The following BANK1 variants were observed in gnomAD, a reference collection of about 807,000 sequenced individuals.
The protein encoded by BANK1 is B-cell scaffold protein with ankyrin repeats.
BANK1 carries 95 observed loss-of-function variants against 94.5 expected under a neutral mutation model. The ratio of observed to expected loss-of-function variants is 1.00; its 90% confidence interval spans 0.85 to 1.19. The LOEUF is 1.19. Among genes scored for constraint, BANK1 ranks in the 50% most tolerant of loss-of-function variants. The pLI is 0.00. For synonymous variants in BANK1, 334 were observed against 308.4 expected (o/e 1.08, Z -0.87); for missense variants, 987 against 932.2 (o/e 1.06, Z -0.77).
At chr4:101,959,824 A>T (rs1036001469) in intron 7 of BANK1, among the ~76,000 whole-genome samples, 2 of 152,202 alleles carry the variant, frequency 1.3e-5, no homozygotes, top group Non-Finnish European at 2.9e-5. Flanking sequence ...CTAAACTGCT[A>T]TATAATTTTT....
chr4:101,823,738 T>C (rs187352800), intron 1 of BANK1, among the ~76,000 whole-genome samples: 1 of 152,358 alleles, frequency 6.6e-6, no homozygotes, highest in African/African-American at 2.4e-5. Flanking sequence ...CATAAAAGTA[T>C]CTGTTTGCAT....
At chr4:101,791,670 T>C (rs1214819166) in intron 1 of BANK1, among the ~76,000 whole-genome samples, 4 of 152,160 alleles carry the variant, frequency 2.6e-5, no homozygotes, top group Non-Finnish European at 5.9e-5. Context: ...ATTACTGGAG[T>C]GTTCGTGGTG....
chr4:101,834,822 T>G (rs1265435075), intron 2 of BANK1, among the ~76,000 whole-genome samples: 1 of 152,278 alleles, frequency 6.6e-6, no homozygotes, highest in East Asian at 1.9e-4. Flanking sequence ...TAATTAAATG[T>G]TCTAATATAT....
At chr4:101,876,911 G>A (rs1195948580) in intron 5 of BANK1, among the ~76,000 whole-genome samples, 1 of 151,964 alleles carries the variant, frequency 6.6e-6, no homozygotes, top group Non-Finnish European at 1.5e-5. Context: ...GCATAATGAA[G>A]AATGCCTCAG....
chr4:101,981,045 T>C (rs1725311314), intron 7 of BANK1, among the ~76,000 whole-genome samples: 1 of 152,078 alleles, frequency 6.6e-6, no homozygotes, highest in South Asian at 2.1e-4. Flanking sequence ...TCCTCTTCTT[T>C]CCAATTTTAA....
chr4:101,997,559 T>C (rs778497644), intron 7 of BANK1, among the ~76,000 whole-genome samples: 19 of 152,174 alleles, frequency 1.2e-4, no homozygotes, highest in Non-Finnish European at 2.6e-4. Context: ...CTAGGCTTTT[T>C]TTTTATTGTT....
intron 7 of BANK1, among the ~76,000 whole-genome samples, chr4:101,939,421 A>G (rs1170434993): frequency 1.3e-5 from 2 of 151,722 alleles, no homozygotes; most frequent in Non-Finnish European, 2.9e-5. Context: ...TACATGTTCA[A>G]CAAAGGTTGG....
chr4:101,799,399 G>T (rs899330871), intron 1 of BANK1, among the ~76,000 whole-genome samples: 1 of 152,150 alleles, frequency 6.6e-6, no homozygotes, highest in Non-Finnish European at 1.5e-5. Context: ...GTAGCATGAT[G>T]CCTCCAATTT....
Position 101,829,923 on chromosome 4 carries a change from G to C in BANK1, c.186G>C (p.Leu62Phe), listed in dbSNP as rs1246798635. ...VKREAILLYRLENFSFRHLEL... is the reference protein window; with the variant it reads ...VKREAILLYRFENFSFRHLEL... ...GGGAAGCCATCCTGTTATATCGCTT[G>C]GAGAATTTCTCTTTTCGGCATTTGG... The change falls in exon 2 of 17, where the codon TTG becomes TTC. Residue 62 changes from leucine (L) to phenylalanine (F), a missense_variant. Leu to Phe is a conservative substitution (Grantham distance 22). Coordinates refer to ENST00000322953, the MANE Select transcript of BANK1 (RefSeq NM_017935.5). The C allele has an allele frequency of 2.5e-6, 4 of 1,613,916 alleles. No homozygotes were observed. Among genetic ancestry groups the C allele is most frequent in the Non-Finnish European group, 3.4e-6 (4 of 1,179,908 alleles).
intron 7 of BANK1, among the ~76,000 whole-genome samples, chr4:101,937,790 A>G (rs908719513): frequency 6.6e-6 from 1 of 151,848 alleles, no homozygotes; most frequent in Non-Finnish European, 1.5e-5. Flanking sequence ...ACATGCACAC[A>G]TATGTTTACT....
chr4:101,822,955 G>A (rs1726231193), intron 1 of BANK1, among the ~76,000 whole-genome samples: 1 of 152,112 alleles, frequency 6.6e-6, no homozygotes, highest in Non-Finnish European at 1.5e-5. Flanking sequence ...ATGGTATTTA[G>A]GTTGATTGCA....
At position 101,996,543 on chromosome 4, in the gene BANK1, A is replaced by C. The variant is rs1725886867; in HGVS notation, c.1207-24971A>C. On this transcript the variant is annotated intron_variant, in intron 7 of 16. Coordinates refer to ENST00000322953, the MANE Select transcript of BANK1 (RefSeq NM_017935.5). Reference sequence around the variant, plus strand: ...CAGTATGACCATTTTCATTATATTGATTCTTCCTTTCTATGAGCATGGAAT... The same window carrying C: ...CAGTATGACCATTTTCATTATATTGCTTCTTCCTTTCTATGAGCATGGAAT... Among the ~76,000 whole-genome samples, 2 of 152,072 alleles carry C rather than the reference A, an allele frequency of 1.3e-5. 1 individual carries two copies. The highest frequency in any genetic ancestry group is 4.2e-4 in the South Asian group (2 of 4,812).
Position 101,939,731 on chromosome 4 carries a change from C to T in BANK1, c.1206+21542C>T, listed in dbSNP as rs1723681199. On this transcript the variant is annotated intron_variant, in intron 7 of 16. Transcript: ENST00000322953. ...TTTGATGAGAACTCTCTCTGCCACA[C>T]ACAATTTGCACATCAGCTTTGGGCA... Among the ~76,000 whole-genome samples the T allele has an allele frequency of 2.0e-5, 3 of 151,664 alleles. No homozygotes were observed. In the South Asian group the frequency reaches 6.2e-4, roughly 31 times the overall value.
chr4:101,813,364 AT>A (rs1311116935), intron 1 of BANK1, among the ~76,000 whole-genome samples: 3 of 152,140 alleles, frequency 2.0e-5, no homozygotes, highest in Admixed American at 6.5e-5. Context: ...TAAAATATTT[AT>A]TTTCTTTTTT....
At chr4:101,819,472 A>G (rs1330522461) in intron 1 of BANK1, among the ~76,000 whole-genome samples, 4 of 152,170 alleles carry the variant, frequency 2.6e-5, no homozygotes, top group Non-Finnish European at 5.9e-5. Flanking sequence ...TAAAGATGAT[A>G]TAGAACCTTC....
At chr4:101,828,383 T>TTATTTATATATATATATATATATA (rs1360582658) in intron 1 of BANK1, among the ~76,000 whole-genome samples, 5 of 142,176 alleles carry the variant, frequency 3.5e-5, no homozygotes, top group African/African-American at 1.3e-4. Flanking sequence ...ATGAGTGAAT[T>TTATTTATATATATATATATATATA]TATATATATA....
chr4:102,001,248 T>C (rs1726059382), intron 7 of BANK1, among the ~76,000 whole-genome samples: 1 of 152,210 alleles, frequency 6.6e-6, no homozygotes, highest in South Asian at 2.1e-4. Flanking sequence ...CAACATATAC[T>C]GAAGTCCCTT....
At chr4:101,887,053 G>A (rs1402205916) in intron 5 of BANK1, among the ~76,000 whole-genome samples, 1 of 152,196 alleles carries the variant, frequency 6.6e-6, no homozygotes, top group Non-Finnish European at 1.5e-5. Context: ...AGCAATATGT[G>A]CAAATTTATG....
intron 7 of BANK1, among the ~76,000 whole-genome samples, chr4:101,927,779 G>C (rs1329962688): frequency 6.6e-6 from 1 of 151,612 alleles, no homozygotes; most frequent in Non-Finnish European, 1.5e-5. Flanking sequence ...GGTTTGTTAA[G>C]AAAAATCAGG....
Sources: allele counts gnomAD v4.1 joint callset (sites outside exome capture counted in the v4.1 genomes callset), GRCh38; gene constraint gnomAD v4.1.1; transcripts MANE v1.5; gene names NCBI Gene and HGNC (gene_info 2026-07-23, HGNC 2026-07-21).